TRIM65: variants seen among roughly 807,000 people sequenced by gnomAD.
TRIM65 encodes the protein E3 ubiquitin-protein ligase TRIM65.
Under a neutral mutation model 36.1 loss-of-function variants are expected in TRIM65, and 46 were observed. That is an observed-to-expected ratio of 1.27 (90% CI 1.01 to 1.63). The LOEUF (loss-of-function observed/expected upper bound fraction) is 1.63. Ranked by LOEUF, TRIM65 falls within the 40% of genes most tolerant of loss-of-function variation. TRIM65 has a pLI of 0.00. For missense variants in TRIM65, 708 were observed against 696.6 expected, an observed-to-expected ratio of 1.02 and a Z score of -0.18; for synonymous variants, 346 against 313.6, an observed-to-expected ratio of 1.10 and a Z score of -1.09.
At chr17:75,881,354 G>T (rs2065168671) in intron 4 of TRIM65, among the ~76,000 whole-genome samples, 1 of 150,454 alleles carries the variant, frequency 6.6e-6, no homozygotes, top group Non-Finnish European at 1.5e-5. Context: ...GTGTGTCTGG[G>T]CTGCTATCCC....
Position 75,891,327 on chromosome 17 carries a change from C to G in TRIM65, c.1006G>C (p.Asp336His). Reference sequence around the variant, plus strand: ...AAGTGACGGTTGGCGCTGACTGGATCAAAGGTCAGATTGCGATAATCTGTT... The same window carrying G: ...AAGTGACGGTTGGCGCTGACTGGATGAAAGGTCAGATTGCGATAATCTGTT... ...LWQNYRNLTFDPVSANRHFYL... is the reference protein window; with the variant it reads ...LWQNYRNLTFHPVSANRHFYL... Residue 336 changes from aspartate (D) to histidine (H), a missense_variant, in exon 6 of 6, where the codon GAT becomes CAT. Asp to His is a moderately conservative substitution (Grantham distance 81). Transcript: ENST00000269383. The G allele has an allele frequency of 1.2e-6, 2 of 1,613,310 alleles. No individual in the cohort carries two copies. Among genetic ancestry groups the G allele is most frequent in the Non-Finnish European group, 1.7e-6 (2 of 1,179,982 alleles).
rs1355295546 is a variant in TRIM65, at chr17:75,891,169, C to T, written c.1164G>A (p.Val388=). The stretch of plus-strand genomic sequence containing the variant: ...GTGTCACCGAGTGGTCTGACGCGCG[C>T]ACCTCCCAGTAGTGGTGCCCGGCCT... The part of the protein sequence containing the change: ...SFQAGHHYWE[V]RASDHSVTLG... Residue 388 remains valine (V), a synonymous_variant, in exon 6 of 6, where the codon GTG becomes GTA. Transcript: ENST00000269383. 2 of 1,610,078 alleles carry T rather than the reference C, an allele frequency of 1.2e-6. No homozygotes were observed. The highest frequency in any genetic ancestry group is 1.1e-5 in the South Asian group (1 of 91,088).
chr17:75,896,139 T>C (rs1287129262), intron 1 of TRIM65, among the ~76,000 whole-genome samples: 2 of 152,196 alleles, frequency 1.3e-5, no homozygotes, highest in Non-Finnish European at 2.9e-5. Context: ...TACTGCAAGC[T>C]CCACTTCCCG....
At chr17:75,888,432 AC>A (rs1025397969), downstream of TRIM65, among the ~76,000 whole-genome samples, 8 of 152,098 alleles carry the variant, frequency 5.3e-5, no homozygotes, top group East Asian at 1.5e-3. Flanking sequence ...AAGAACCACC[AC>A]CCAATAGGAA....
chr17:75,891,067 G>C lies in TRIM65; in HGVS notation c.1266C>G (p.Ser422=). The C allele has an allele frequency of 6.2e-7, 1 of 1,612,340 alleles. No homozygotes were observed. Among genetic ancestry groups the C allele is most frequent in the Non-Finnish European group, 8.5e-7 (1 of 1,179,836 alleles). ...HTDNIGRGPC[S]WGLCVQEDSL... ...TGTCCTCCTGGACGCAGAGCCCCCAGGAGCAGGGTCCCCGGCCAATGTTGT... is the reference window on the plus strand; with the variant it reads ...TGTCCTCCTGGACGCAGAGCCCCCACGAGCAGGGTCCCCGGCCAATGTTGT... Residue 422 remains serine, a synonymous_variant, in exon 6 of 6, where the codon TCC becomes TCG. Transcript: ENST00000269383.
chr17:75,891,696 G>A, intron 5 of TRIM65, 117 bp downstream of exon 5: 1 of 1,309,458 alleles, frequency 7.6e-7, no homozygotes, highest in South Asian at 1.3e-5. Flanking sequence ...CAAAACAAGT[G>A]CCCCCCTCAC....
At chr17:75,891,899 A>T (rs750006799) in intron 4 of TRIM65, 21 bp from the exon 5 acceptor site, 46 of 1,605,166 alleles carry the variant, frequency 2.9e-5, no homozygotes, top group Non-Finnish European at 1.2e-5. Context: ...AAGCAGTGTT[A>T]AGGGAATGGT....
chr17:75,891,172 C>G lies in TRIM65; in HGVS notation c.1161G>C (p.Glu387Asp). Reference protein sequence around the residue: ...QSFQAGHHYWEVRASDHSVTL... With the variant: ...QSFQAGHHYWDVRASDHSVTL... ...TCACCGAGTGGTCTGACGCGCGCAC[C>G]TCCCAGTAGTGGTGCCCGGCCTGGA... The change falls in exon 6 of 6, where the codon GAG becomes GAC. Residue 387 changes from glutamate (E) to aspartate (D), a missense_variant. Physicochemically the swap from Glu to Asp is conservative, Grantham distance 45. Coordinates refer to ENST00000269383, the MANE Select transcript of TRIM65 (RefSeq NM_173547.4). 6.2e-7 allele frequency: 1 copy of G among 1,610,572 alleles called. No individual in the cohort carries two copies. The highest frequency in any genetic ancestry group is 8.5e-7 in the Non-Finnish European group (1 of 1,179,956).
At chr17:75,879,799 G>A (rs931050791), downstream of TRIM65, among the ~76,000 whole-genome samples, 1 of 150,632 alleles carries the variant, frequency 6.6e-6, no homozygotes, top group Non-Finnish European at 1.5e-5. Context: ...TGTCGCCCAG[G>A]CTGGAGTGCA....
Position 75,892,759 on chromosome 17 carries a change from A to G in TRIM65, c.506T>C (p.Ile169Thr). 6.2e-7 allele frequency: 1 copy of G among 1,603,590 alleles called. No homozygotes were observed. Among genetic ancestry groups the G allele is most frequent in the Non-Finnish European group, 8.5e-7 (1 of 1,179,816 alleles). Reference protein sequence around the residue: ...LLELRKQSSQIQNSACILASW... With the variant: ...LLELRKQSSQTQNSACILASW... ...GGGCAGGCACAGGCCTCGTACCTGG[A>G]TCTGGCTGCTTTGCTTGCGCAGCTC... The change falls in exon 2 of 6, where the codon ATC becomes ACC. Residue 169 changes from isoleucine to threonine, a missense_variant. Physicochemically the swap from Ile to Thr is moderately conservative, Grantham distance 89. Transcript: ENST00000269383.
chr17:75,890,794 T>G lies in TRIM65; in HGVS notation c.1539A>C (p.Glu513Asp). The G allele has an allele frequency of 6.7e-7, 1 of 1,487,394 alleles. No individual in the cohort carries two copies. The highest frequency in any genetic ancestry group is 8.9e-7 in the Non-Finnish European group (1 of 1,119,980). The allele number at this position is 1,487,394 out of a possible 1,614,324, so 92.1% of individuals were successfully genotyped here. A position where few individuals can be genotyped will look rare whatever the true frequency, so the allele number is the denominator to read the frequency against. ...CATGCCTTCTTCAGCTGAGCACCTC[T>G]TCCTGGGGCCCCAGAGGGAACACAG... Reference protein sequence around the residue: ...PGAVFPLGPQEEVLS With the variant: ...PGAVFPLGPQDEVLS The change falls in exon 6 of 6, where the codon GAA (glutamate) becomes GAC (aspartate). Residue 513 changes from glutamate (E) to aspartate (D), a missense_variant. Coordinates refer to ENST00000269383, the MANE Select transcript of TRIM65 (RefSeq NM_173547.4).
In TRIM65 at chr17:75,890,727, T is replaced by G; in HGVS notation, c.*52A>C. ...CCCCAAGCTGAAGCTGGGCAGCTCT[T>G]GGGCACATAGGCATGGTGGCAGCTA... On this transcript the variant is annotated 3_prime_UTR_variant, in exon 6 of 6. Transcript: ENST00000269383. The G allele has an allele frequency of 7.1e-7, 1 of 1,407,164 alleles. No homozygotes were observed. Among genetic ancestry groups the G allele is most frequent in the Non-Finnish European group, 9.3e-7 (1 of 1,073,442 alleles). The allele number at this position is 1,407,164 out of a possible 1,614,324, so 87.2% of individuals were successfully genotyped here.
At position 75,896,828 on chromosome 17, in the gene TRIM65, C is replaced by T. The variant is rs749951628; in HGVS notation, c.110G>A (p.Arg37Gln). ...CGHNFCGACI[R>Q]DWWDRCGKAC... ...CTTTCCGCAGCGGTCCCACCAGTCC[C>T]GGATGCAGGCCCCGCAGAAGTTGTG... is the stretch of plus-strand genomic sequence containing the variant. Residue 37 changes from arginine (R) to glutamine (Q), a missense_variant, in exon 1 of 6, where the codon CGG becomes CAG. Physicochemically the swap from Arg to Gln is conservative, Grantham distance 43. Transcript: ENST00000269383. The T allele has an allele frequency of 3.9e-5, 60 of 1,522,026 alleles. No homozygotes were observed. Among genetic ancestry groups the T allele is most frequent in the East Asian group, 7.9e-5 (3 of 38,198 alleles). The allele number at this position is 1,522,026 out of a possible 1,614,324, so 94.3% of individuals were successfully genotyped here.
At chr17:75,894,203 C>T (rs1180248182) in intron 1 of TRIM65, among the ~76,000 whole-genome samples, 1 of 152,168 alleles carries the variant, frequency 6.6e-6, no homozygotes, top group Non-Finnish European at 1.5e-5. Flanking sequence ...ACTCTCCCAT[C>T]CCTCCCTGCC....
chr17:75,885,201 C>T (rs1010299514), downstream of TRIM65, among the ~76,000 whole-genome samples: 4 of 152,262 alleles, frequency 2.6e-5, no homozygotes, highest in African/African-American at 7.2e-5. Context: ...GCTGGGATTA[C>T]AGGCGTGAGC....
At chr17:75,891,990 G>A (rs1043635721) in intron 4 of TRIM65, 21 bp downstream of exon 4, 2 of 1,551,448 alleles carry the variant, frequency 1.3e-6, no homozygotes, top group East Asian at 2.4e-5. Context: ...ACAGCAGGGG[G>A]AGGCCTGGGG....
intron 1 of TRIM65, among the ~76,000 whole-genome samples, chr17:75,894,244 C>T (rs1176158707): frequency 2.0e-5 from 3 of 152,220 alleles, no homozygotes; most frequent in Non-Finnish European, 2.9e-5. Context: ...CCTTCCCTTC[C>T]TGTCCCATCC....
downstream of TRIM65, among the ~76,000 whole-genome samples, chr17:75,886,086 A>G (rs2065204651): frequency 6.6e-6 from 1 of 151,932 alleles, no homozygotes; most frequent in African/African-American, 2.4e-5. Context: ...GTCTCACGAG[A>G]TCTGATGGTT....
intron 4 of TRIM65, among the ~76,000 whole-genome samples, chr17:75,883,522 A>G (rs1427880187): frequency 7.7e-6 from 1 of 129,518 alleles, no homozygotes; most frequent in African/African-American, 2.8e-5. Flanking sequence ...CTGTCTCTGA[A>G]CAAGTTTTTT....
Sources: allele counts gnomAD v4.1 joint callset (sites outside exome capture counted in the v4.1 genomes callset), GRCh38; gene constraint gnomAD v4.1.1; transcripts MANE v1.5; gene names NCBI Gene and HGNC (gene_info 2026-07-23, HGNC 2026-07-21).